CA2: variants seen among roughly 807,000 people sequenced by gnomAD.
CA2 encodes carbonate dehydratase II.
In CA2, 23 loss-of-function variants were observed where a neutral mutation model predicts 27.8. That is an observed-to-expected ratio of 0.83 (90% confidence interval 0.59 to 1.17). The LOEUF is 1.17. CA2 is among the 50% of genes most tolerant of loss of function. CA2 has a pLI of 0.00. For synonymous variants in CA2, 99 were observed against 114.9 expected (o/e 0.86, Z 0.88); for missense variants, 300 against 314.7 (o/e 0.95, Z 0.35).
intron 6 of CA2, among the ~76,000 whole-genome samples, chr8:85,478,674 C>A (rs1236122408): frequency 6.6e-6 from 1 of 152,174 alleles, no homozygotes; most frequent in Non-Finnish European, 1.5e-5. Context: ...TGGTATTAAA[C>A]TAATGATGTT....
chr8:85,468,586 C>T (rs1027813951), intron 2 of CA2, among the ~76,000 whole-genome samples: 11 of 152,238 alleles, frequency 7.2e-5, no homozygotes, highest in Admixed American at 6.5e-4. Flanking sequence ...GGGTGAAACA[C>T]TGTCTGTACT....
chr8:85,478,388 T>C (rs1563435948), intron 6 of CA2, among the ~76,000 whole-genome samples: 1 of 152,366 alleles, frequency 6.6e-6, no homozygotes, highest in East Asian at 1.9e-4. Context: ...AATAACATAT[T>C]TGAGTAAGCT....
At chr8:85,470,321 A>G (rs535182463) in intron 2 of CA2, among the ~76,000 whole-genome samples, 1 of 152,318 alleles carries the variant, frequency 6.6e-6, no homozygotes, top group African/African-American at 2.4e-5. Context: ...GCATGATTTA[A>G]AATTTTTCAG....
intron 2 of CA2, among the ~76,000 whole-genome samples, chr8:85,468,325 C>G (rs1377670913): frequency 6.6e-6 from 1 of 152,238 alleles, no homozygotes; most frequent in African/African-American, 2.4e-5. Flanking sequence ...GACTTGCCCT[C>G]CTTTGCATAT....
intron 2 of CA2, among the ~76,000 whole-genome samples, chr8:85,465,904 A>C (rs895438228): frequency 1.1e-4 from 16 of 152,210 alleles, no homozygotes; most frequent in African/African-American, 3.1e-4. Flanking sequence ...AGTAACAAAA[A>C]CGTGCCAATT....
intron 2 of CA2, among the ~76,000 whole-genome samples, chr8:85,473,041 A>AAT (rs1174209973): frequency 9.0e-4 from 90 of 99,498 alleles, no homozygotes; most frequent in Middle Eastern, 5.6e-3. Flanking sequence ...AATAAATAAT[A>AAT]AAAAAAATTA....
At chr8:85,467,544 C>T (rs954016611) in intron 2 of CA2, among the ~76,000 whole-genome samples, 9 of 152,242 alleles carry the variant, frequency 5.9e-5, no homozygotes, top group South Asian at 4.2e-4. Flanking sequence ...GTTGCACCTG[C>T]GATAAGATTT....
intron 6 of CA2, among the ~76,000 whole-genome samples, chr8:85,479,083 G>A (rs1811848794): frequency 6.6e-6 from 1 of 151,752 alleles, no homozygotes; most frequent in South Asian, 2.1e-4. Flanking sequence ...TACAGGGAGA[G>A]GGCGGATGTC....
intron 4 of CA2, among the ~76,000 whole-genome samples, 196 bp from the exon 5 acceptor site, chr8:85,475,602 C>T (rs867297507): frequency 6.6e-6 from 1 of 151,802 alleles, no homozygotes; most frequent in Non-Finnish European, 1.5e-5. Flanking sequence ...GAATTAGAGG[C>T]GAGTTGAAGA....
At chr8:85,471,956 C>G (rs1471899546) in intron 2 of CA2, among the ~76,000 whole-genome samples, 2 of 152,120 alleles carry the variant, frequency 1.3e-5, no homozygotes, top group African/African-American at 4.8e-5. Flanking sequence ...CTTAGCAGAT[C>G]TTTAACATAA....
intron 6 of CA2, among the ~76,000 whole-genome samples, chr8:85,478,569 T>A (rs1282075148): frequency 6.6e-6 from 1 of 152,222 alleles, no homozygotes; most frequent in Non-Finnish European, 1.5e-5. Flanking sequence ...TTATGGTGTA[T>A]ACACACCCAC....
At chr8:85,478,442 T>A (rs564247346) in intron 6 of CA2, among the ~76,000 whole-genome samples, 1 of 152,346 alleles carries the variant, frequency 6.6e-6, no homozygotes, top group South Asian at 2.1e-4. Context: ...CCCTTCTTTT[T>A]GTAGATGCAG....
chr8:85,473,490 C>T (rs1460617857), intron 2 of CA2: 1 of 677,114 alleles, frequency 1.5e-6, no homozygotes, highest in East Asian at 2.9e-5. Context: ...TTGTTCAGCA[C>T]CGTAGACTAA....
intron 2 of CA2, among the ~76,000 whole-genome samples, chr8:85,471,535 T>C (rs975897719): frequency 6.6e-6 from 1 of 152,174 alleles, no homozygotes; most frequent in African/African-American, 2.4e-5. Context: ...ATAAACTTTA[T>C]TCTCCTTAAA....
intron 2 of CA2, among the ~76,000 whole-genome samples, chr8:85,467,645 T>C (rs1031450784): frequency 1.3e-5 from 2 of 152,252 alleles, no homozygotes; most frequent in African/African-American, 4.8e-5. Flanking sequence ...TGAAGCATAC[T>C]GTTTATCATA....
intron 4 of CA2, among the ~76,000 whole-genome samples, chr8:85,475,476 G>C (rs935409695): frequency 1.5e-4 from 22 of 150,368 alleles, no homozygotes; most frequent in African/African-American, 4.9e-4. Flanking sequence ...AAGAAGGGAA[G>C]ACCATAGTGT....
Position 85,473,753 on chromosome 8 carries a change from G to A in CA2, c.293G>A (p.Gly98Asp). The A allele has an allele frequency of 6.2e-7, 1 of 1,613,054 alleles. No individual in the cohort carries two copies. Among genetic ancestry groups the A allele is most frequent in the Non-Finnish European group, 8.5e-7 (1 of 1,179,138 alleles). Residue 98 changes from glycine to aspartate, a missense_variant, in exon 3 of 7, where the codon GGT becomes GAT. This residue lies in a region of CA2 where 122 missense variants were observed against 133.2 expected (regional missense o/e 0.92). Coordinates refer to ENST00000285379, the MANE Select transcript of CA2 (RefSeq NM_000067.3). Reference sequence around the variant, plus strand: ...TTGATTCAGTTTCACTTTCACTGGGGTTCACTTGATGGACAAGGTTCAGAG... The same window carrying A: ...TTGATTCAGTTTCACTTTCACTGGGATTCACTTGATGGACAAGGTTCAGAG... ...YRLIQFHFHWGSLDGQGSEHT... is the reference protein window; with the variant it reads ...YRLIQFHFHWDSLDGQGSEHT...
chr8:85,475,961 G>A (rs1303598694), intron 5 of CA2, 101 bp downstream of exon 5: 5 of 899,072 alleles, frequency 5.6e-6, no homozygotes, highest in East Asian at 2.5e-5. Context: ...TCAATGACAT[G>A]TGGTGTTTGG....
chr8:85,473,973 T>C lies in CA2; in HGVS notation c.351+162T>C, dbSNP rs1339898943. 9.3e-6 allele frequency: 6 copies of C among 648,324 alleles called. No homozygotes were observed. In the East Asian group the frequency reaches 1.6e-4, roughly 18 times the overall value. 40.2% of individuals were successfully genotyped at this position (648,324 alleles called of 1,614,324 possible). ...CTTTTTATAACCTTTAATTGTGACA[T>C]CATACTTAACGCTGCAAAACTTTCT... On this transcript the variant is annotated intron_variant, in intron 3 of 6. Transcript: ENST00000285379.
Sources: gnomAD v4.1 joint callset for allele counts (sites outside exome capture counted in the v4.1 genomes callset) on GRCh38, gnomAD v4.1.1 for gene constraint, gnomAD v4.1.1 regional missense constraint, MANE v1.5 for transcripts, NCBI Gene and HGNC (gene_info 2026-07-23, HGNC 2026-07-21) for gene names.